FOCAD: variants seen among roughly 807,000 people sequenced by gnomAD.
The protein encoded by FOCAD is KIAA1797.
Under a neutral mutation model 225.6 loss-of-function variants are expected in FOCAD, and 198 were observed. The observed-to-expected ratio is 0.88, with a 90% CI of 0.78 to 0.99. The LOEUF is 0.99. Ranked by LOEUF, FOCAD falls within the 50% of genes least tolerant of loss-of-function variation. The pLI is 0.00. For synonymous variants in FOCAD, 897 were observed against 755.0 expected, an observed-to-expected ratio of 1.19 and a Z score of -3.08; for missense variants, 2,713 against 2,123.6, an observed-to-expected ratio of 1.28 and a Z score of -5.46.
intron 23 of FOCAD, 54 bp downstream of exon 23, chr9:20,913,008 G>C: frequency 1.4e-6 from 2 of 1,442,936 alleles, no homozygotes; most frequent in South Asian, 2.4e-5. Flanking sequence ...GAGCTATGAG[G>C]GGAAAGGTAA....
In FOCAD at chr9:20,733,519, A is replaced by G. The variant is rs141247752; in HGVS notation, c.288-6717A>G. Among the ~76,000 whole-genome samples the G allele has an allele frequency of 3.6e-3, 544 of 152,044 alleles. 10 individuals carry two copies. In the East Asian group the frequency reaches 0.061, roughly 17 times the overall value. On this transcript the variant is annotated intron_variant, in intron 4 of 43. Coordinates refer to ENST00000338382, the MANE Select transcript of FOCAD (RefSeq NM_001375567.1). ...TATCCCTCCCCACTCCCTCCATCCC[A>G]CAACAGTCCCCAGATTGTGATGTTC...
At chr9:20,973,277 C>T (rs540470646) in intron 35 of FOCAD, among the ~76,000 whole-genome samples, 1 of 152,164 alleles carries the variant, frequency 6.6e-6, no homozygotes, top group Non-Finnish European at 1.5e-5. Flanking sequence ...CTCCTTTCTG[C>T]AGCTGATTTA....
chr9:20,850,737 A>G (rs945946648), intron 15 of FOCAD, among the ~76,000 whole-genome samples: 1 of 151,264 alleles, frequency 6.6e-6, no homozygotes, highest in Admixed American at 6.6e-5. Context: ...AATTAAAAAG[A>G]CACAACAGAG....
rs1830088632 is a variant in FOCAD at position 20,874,741 on chromosome 9, G to T, written c.2251G>T (p.Asp751Tyr). Residue 751 changes from aspartate to tyrosine, a missense_variant, in exon 19 of 44, where the codon GAT becomes TAT. Physicochemically the swap from Asp to Tyr is radical, Grantham distance 160. Coordinates refer to ENST00000338382, the MANE Select transcript of FOCAD (RefSeq NM_001375567.1). The part of the protein sequence containing the change: ...LDDDEDVEDV[D>Y]LSVPGSCYLK... ...TGACGATGAAGATGTTGAGGATGTG[G>T]ATCTTTCAGTTCCTGGCTCTTGCTA... The T allele has an allele frequency of 6.2e-7, 1 of 1,613,596 alleles. No homozygotes were observed. The highest frequency in any genetic ancestry group is 8.5e-7 in the Non-Finnish European group (1 of 1,179,694).
At chr9:20,905,844 C>A (rs928074894) in intron 21 of FOCAD, among the ~76,000 whole-genome samples, 3 of 151,694 alleles carry the variant, frequency 2.0e-5, no homozygotes, top group African/African-American at 7.3e-5. Flanking sequence ...TCACCCTGCT[C>A]GTTGTAGTAC....
chr9:20,985,484 C>T (rs915382949), intron 39 of FOCAD, among the ~76,000 whole-genome samples: 1 of 152,188 alleles, frequency 6.6e-6, no homozygotes, highest in Non-Finnish European at 1.5e-5. Flanking sequence ...CTTGAAGTGA[C>T]AGGTTCATTT....
intron 2 of FOCAD, among the ~76,000 whole-genome samples, chr9:20,676,438 C>T (rs371339030): frequency 1.3e-5 from 2 of 152,148 alleles, no homozygotes; most frequent in African/African-American, 4.8e-5. Flanking sequence ...TGAAAATTAG[C>T]TTGTGTGGCA....
intron 1 of FOCAD, among the ~76,000 whole-genome samples, chr9:20,691,265 T>G (rs934486377): frequency 1.3e-5 from 2 of 151,998 alleles, no homozygotes; most frequent in Non-Finnish European, 2.9e-5. Flanking sequence ...TTAAAGCACT[T>G]TCTTCCCTTA....
intron 43 of FOCAD, among the ~76,000 whole-genome samples, chr9:20,994,956 T>G (rs1010270467): frequency 3.0e-5 from 4 of 131,700 alleles, no homozygotes; most frequent in African/African-American, 1.2e-4. Context: ...TATCAATACA[T>G]TTGTATTAAT....
chr9:20,696,264 C>T (rs934291117), intron 1 of FOCAD, among the ~76,000 whole-genome samples: 2 of 152,082 alleles, frequency 1.3e-5, no homozygotes, highest in East Asian at 1.9e-4. Flanking sequence ...AACATGGTGA[C>T]TATACTTAAT....
Position 20,781,803 on chromosome 9 carries a change from G to T in FOCAD, c.1071G>T (p.Gln357His), listed in dbSNP as rs370359218. The T allele has an allele frequency of 1.2e-5, 19 of 1,614,040 alleles. No homozygotes were observed. Among genetic ancestry groups the T allele is most frequent in the Middle Eastern group, 1.6e-4 (1 of 6,072 alleles). ...SSLLLVMPILQILSSTALEDC... is the reference protein window; with the variant it reads ...SSLLLVMPILHILSSTALEDC... ...TGCTGCTAGTGATGCCAATTCTGCA[G>T]ATACTATCTTCTACTGCCTTGGAAG... Residue 357 changes from glutamine (Q) to histidine (H), a missense_variant, in exon 10 of 44, where the codon CAG becomes CAT. Coordinates refer to ENST00000338382, the MANE Select transcript of FOCAD (RefSeq NM_001375567.1).
chr9:20,840,022 T>TTTATGCTA (rs1318334242), intron 15 of FOCAD, among the ~76,000 whole-genome samples: 1 of 152,154 alleles, frequency 6.6e-6, no homozygotes, highest in Non-Finnish European at 1.5e-5. Context: ...GGTCTATGTG[T>TTTATGCTA]CTGTTTTTAT....
intron 11 of FOCAD, among the ~76,000 whole-genome samples, chr9:20,817,711 T>C (rs1823876378): frequency 6.6e-6 from 1 of 152,098 alleles, no homozygotes; most frequent in African/African-American, 2.4e-5. Flanking sequence ...TTGTAGCATG[T>C]ATCAGTACTT....
At chr9:20,730,196 T>C (rs1332295498) in intron 4 of FOCAD, among the ~76,000 whole-genome samples, 1 of 152,192 alleles carries the variant, frequency 6.6e-6, no homozygotes, top group Non-Finnish European at 1.5e-5. Flanking sequence ...GTTTTCATTT[T>C]TGATGATGTT....
chr9:20,948,940 A>T lies in FOCAD; in HGVS notation c.3876+12A>T, dbSNP rs1406974612. On this transcript the variant is annotated intron_variant, in intron 32 of 43. Coordinates refer to ENST00000338382, the MANE Select transcript of FOCAD (RefSeq NM_001375567.1). ...GGGATGTAATGCAGGTAAAGAAAGG[A>T]ACCATGGAGGGGAAGACATCTAAAT... 40 of 1,612,016 alleles carry T rather than the reference A, an allele frequency of 2.5e-5. 1 individual carries two copies. Among genetic ancestry groups the T allele is most frequent in the Non-Finnish European group, 3.3e-5 (39 of 1,178,384 alleles).
At chr9:20,937,708 G>C (rs10811431) in intron 28 of FOCAD, among the ~76,000 whole-genome samples, 141,168 of 151,708 alleles carry the variant, frequency 0.93, 66,017 homozygotes, top group East Asian at 1. Flanking sequence ...GCAATGTCAA[G>C]AAAGGCCAAA....
intron 8 of FOCAD, among the ~76,000 whole-genome samples, chr9:20,773,205 C>T (rs1177088222): frequency 2.0e-5 from 3 of 152,218 alleles, no homozygotes; most frequent in Admixed American, 1.3e-4. Context: ...TGTATTTCCC[C>T]CCACCTTTAG....
chr9:20,817,040 C>T (rs138646317), intron 11 of FOCAD, among the ~76,000 whole-genome samples: 14 of 152,222 alleles, frequency 9.2e-5, no homozygotes, highest in African/African-American at 2.9e-4. Flanking sequence ...ATCCTGGAAC[C>T]AGTCCCTGTA....
intron 4 of FOCAD, among the ~76,000 whole-genome samples, chr9:20,730,608 T>C (rs945493155): frequency 6.6e-6 from 1 of 152,174 alleles, no homozygotes; most frequent in Non-Finnish European, 1.5e-5. Context: ...AAAAATCTTA[T>C]TGCTATTCAG....
Sources: gnomAD v4.1 joint callset for allele counts (sites outside exome capture counted in the v4.1 genomes callset) on GRCh38, gnomAD v4.1.1 for gene constraint, MANE v1.5 for transcripts, NCBI Gene and HGNC (gene_info 2026-07-23, HGNC 2026-07-21) for gene names.